ADGRL2: variants seen among roughly 807,000 people sequenced by gnomAD.
ADGRL2 encodes adhesion G protein-coupled receptor L2, also known as calcium-independent alpha-latrotoxin receptor 2.
ADGRL2 carries 44 observed loss-of-function variants against 157.4 expected under a neutral mutation model. That is an observed-to-expected ratio of 0.28 (90% CI 0.22 to 0.36). ADGRL2 has a LOEUF of 0.36. Among genes scored for constraint, ADGRL2 ranks in the 10% least tolerant of loss-of-function variants. The pLI is 1.00. For synonymous variants in ADGRL2, 585 were observed against 624.7 expected, an observed-to-expected ratio of 0.94 and a Z score of 0.95; for missense variants, 1,510 against 1,768.9, an observed-to-expected ratio of 0.85 and a Z score of 2.63.
chr1:81,786,861 G>A (rs555651809), intron 2 of ADGRL2, among the ~76,000 whole-genome samples: 4 of 152,232 alleles, frequency 2.6e-5, no homozygotes, highest in East Asian at 3.9e-4. Flanking sequence ...CCATTTGTTT[G>A]ATTGAAAAAG....
At chr1:81,502,228 T>C (rs1253298653) in intron 2 of ADGRL2, 1 of 1,608,340 alleles carries the variant, frequency 6.2e-7, no homozygotes, top group Non-Finnish European at 8.5e-7. Context: ...TCCCACCACA[T>C]GGACAACAAG....
intron 1 of ADGRL2, among the ~76,000 whole-genome samples, chr1:81,443,836 A>G (rs1026176128): frequency 3.3e-5 from 5 of 152,234 alleles, no homozygotes; most frequent in African/African-American, 1.2e-4. Context: ...CTTGTTAGGC[A>G]AATATTGCTT....
chr1:81,354,919 G>A (rs980010603), intron 1 of ADGRL2, among the ~76,000 whole-genome samples: 1 of 152,018 alleles, frequency 6.6e-6, no homozygotes, highest in African/African-American at 2.4e-5. Flanking sequence ...CAAATACAAC[G>A]TTCTGCCCTT....
intron 2 of ADGRL2, among the ~76,000 whole-genome samples, chr1:81,762,781 G>C (rs1324581762): frequency 1.3e-5 from 2 of 151,926 alleles, no homozygotes; most frequent in Non-Finnish European, 2.9e-5. Context: ...GGCCAGGCGC[G>C]GTGGCTCATG....
intron 2 of ADGRL2, among the ~76,000 whole-genome samples, chr1:81,870,092 G>GT (rs1220960990): frequency 1.3e-5 from 2 of 151,962 alleles, no homozygotes; most frequent in South Asian, 2.1e-4. Context: ...ACATATTAGC[G>GT]TATGTATCTG....
chr1:81,341,811 C>T (rs887655150), intron 1 of ADGRL2, among the ~76,000 whole-genome samples: 3 of 152,096 alleles, frequency 2.0e-5, no homozygotes, highest in African/African-American at 4.8e-5. Flanking sequence ...GAATTAGTAC[C>T]AATTACTCTA....
At chr1:81,625,032 C>T (rs1266231759) in intron 3 of ADGRL2, among the ~76,000 whole-genome samples, 2 of 152,132 alleles carry the variant, frequency 1.3e-5, no homozygotes, top group African/African-American at 4.8e-5. Flanking sequence ...TGGGAGAGTT[C>T]AAAACACTTT....
chr1:81,626,850 G>A (rs1052247003), intron 3 of ADGRL2, among the ~76,000 whole-genome samples: 1 of 152,164 alleles, frequency 6.6e-6, no homozygotes, highest in African/African-American at 2.4e-5. Context: ...TACTTTACCA[G>A]TGGGAGGAGA....
At chr1:81,972,021 G>T in intron 17 of ADGRL2, 103 bp downstream of exon 17, 1 of 601,052 alleles carries the variant, frequency 1.7e-6, no homozygotes, top group East Asian at 3.0e-5. Context: ...TCTATACAAA[G>T]ATTTATAAAT....
chr1:81,956,826 C>T (rs555023194), intron 11 of ADGRL2, among the ~76,000 whole-genome samples: 1 of 152,262 alleles, frequency 6.6e-6, no homozygotes, highest in East Asian at 1.9e-4. Context: ...GACTACTCTT[C>T]CACCAGAAGC....
chr1:81,405,161 A>G (rs2076830879), intron 1 of ADGRL2, among the ~76,000 whole-genome samples: 1 of 152,198 alleles, frequency 6.6e-6, no homozygotes, highest in Admixed American at 6.5e-5. Flanking sequence ...CAAGTGTAGC[A>G]TGAGGAATGC....
intron 1 of ADGRL2, among the ~76,000 whole-genome samples, chr1:81,373,185 A>G (rs1249658742): frequency 5.9e-5 from 9 of 152,214 alleles, no homozygotes; most frequent in Non-Finnish European, 1.2e-4. Context: ...AAAGTGTCCA[A>G]TAAATGTTGA....
At chr1:81,524,534 G>A (rs2079406301) in intron 2 of ADGRL2, among the ~76,000 whole-genome samples, 1 of 151,788 alleles carries the variant, frequency 6.6e-6, no homozygotes, top group Non-Finnish European at 1.5e-5. Flanking sequence ...CAAAAGATAG[G>A]AAAGAACCTA....
intron 2 of ADGRL2, among the ~76,000 whole-genome samples, chr1:81,875,537 T>G (rs2093816310): frequency 6.6e-6 from 1 of 152,214 alleles, no homozygotes; most frequent in African/African-American, 2.4e-5. Context: ...TGTGATATAT[T>G]TGAATCTGTT....
intron 2 of ADGRL2, among the ~76,000 whole-genome samples, chr1:81,888,701 C>T (rs2094189658): frequency 6.6e-6 from 1 of 152,170 alleles, no homozygotes; most frequent in Non-Finnish European, 1.5e-5. Flanking sequence ...ATCTGCCCCC[C>T]TTGGCCTCCC....
upstream of ADGRL2, among the ~76,000 whole-genome samples, chr1:81,797,967 C>T (rs1420975235): frequency 1.3e-5 from 2 of 151,958 alleles, no homozygotes; most frequent in African/African-American, 4.8e-5. Context: ...TTTCCTTTGT[C>T]CTTTGTAGAA....
At chr1:81,356,964 A>C (rs1340475132) in intron 1 of ADGRL2, among the ~76,000 whole-genome samples, 1 of 136,592 alleles carries the variant, frequency 7.3e-6, no homozygotes, top group African/African-American at 2.6e-5. Flanking sequence ...AAAAAAAAAA[A>C]AAAAAAAAAG....
intron 1 of ADGRL2, among the ~76,000 whole-genome samples, chr1:81,383,935 C>CA: frequency 7.7e-6 from 1 of 130,454 alleles, no homozygotes; most frequent in Non-Finnish European, 1.6e-5. Flanking sequence ...GCCTGGGCAA[C>CA]AGAGCAAGAC....
chr1:81,337,392 G>C (rs943388939), intron 1 of ADGRL2, among the ~76,000 whole-genome samples: 4 of 152,124 alleles, frequency 2.6e-5, no homozygotes, highest in Non-Finnish European at 5.9e-5. Context: ...TGCTCCTGCT[G>C]GTGCCCCGAA....
Sources: allele counts gnomAD v4.1 joint callset (sites outside exome capture counted in the v4.1 genomes callset), GRCh38; gene constraint gnomAD v4.1.1; transcripts MANE v1.5; gene names NCBI Gene and HGNC (gene_info 2026-07-23, HGNC 2026-07-21).